LTO1: variants seen among roughly 807,000 people sequenced by gnomAD.
LTO1 encodes the protein protein LTO1 homolog.
A neutral mutation model predicts 19.8 loss-of-function variants in LTO1; 18 were observed. That is an observed-to-expected ratio of 0.91 (90% confidence interval 0.63 to 1.35). LTO1 has a LOEUF of 1.35. Ranked by LOEUF, LTO1 falls within the 40% of genes most tolerant of loss-of-function variation. The probability of loss-of-function intolerance (pLI) is 0.00; values close to 1 mark genes in which losing one functional copy is unlikely to be tolerated. For missense variants in LTO1, 175 were observed against 167.9 expected (o/e 1.04, Z -0.23); for synonymous variants, 59 against 59.6 (o/e 0.99, Z 0.05).
chr11:69,670,769 G>A (rs534172090), intron 3 of LTO1, among the ~76,000 whole-genome samples: 9 of 152,312 alleles, frequency 5.9e-5, no homozygotes, highest in Admixed American at 3.9e-4. Context: ...CTCAGGTCCC[G>A]CGCTTGCTGC....
At chr11:69,674,773 G>A (rs1278811797) in intron 1 of LTO1, 12 of 463,746 alleles carry the variant, frequency 2.6e-5, no homozygotes, top group South Asian at 1.7e-4. Flanking sequence ...GGCTCTGGAG[G>A]GAAAAGGGGT....
intron 3 of LTO1, chr11:69,668,253 C>T (rs911113318): frequency 1.6e-5 from 7 of 427,684 alleles, no homozygotes; most frequent in African/African-American, 4.0e-5. Context: ...GCCTCCATTC[C>T]GACCACGGGG....
chr11:69,667,169 A>T lies in LTO1; in HGVS notation c.*350T>A, dbSNP rs888322440. 1 of 240,596 alleles carries T rather than the reference A, an allele frequency of 4.2e-6. No individual in the cohort carries two copies. Among genetic ancestry groups the T allele is most frequent in the Admixed American group, 5.4e-5 (1 of 18,562 alleles). The allele number at this position is 240,596 out of a possible 1,614,324, so 14.9% of individuals were successfully genotyped here. On this transcript the variant is annotated 3_prime_UTR_variant, in exon 5 of 5. Transcript: ENST00000279147. ...TCATTGCAAATAATAATAATAATAA[A>T]AATAACTGCCTTCAGTCCAGGCCTG... is the stretch of plus-strand genomic sequence containing the variant.
In LTO1 at chr11:69,666,865, T is replaced by C. The variant is rs1856039025; in HGVS notation, c.*654A>G. The C allele has an allele frequency of 6.6e-6, 1 of 152,248 alleles. No homozygotes were observed. Among genetic ancestry groups the C allele is most frequent in the Non-Finnish European group, 1.5e-5 (1 of 68,092 alleles). 9.4% of individuals were successfully genotyped at this position (152,248 alleles called of 1,614,324 possible). On this transcript the variant is annotated 3_prime_UTR_variant, in exon 5 of 5. Transcript: ENST00000279147. Reference sequence around the variant, plus strand: ...CTGGGAGGGAGGGCAGGGACTCGCCTGTGCATTCCGGAGGCGGCTGTGCCT... The same window carrying C: ...CTGGGAGGGAGGGCAGGGACTCGCCCGTGCATTCCGGAGGCGGCTGTGCCT...
At chr11:69,673,186 C>T (rs376633820) in intron 2 of LTO1, 30 bp downstream of exon 2, 15 of 1,087,982 alleles carry the variant, frequency 1.4e-5, no homozygotes, top group African/African-American at 3.1e-5. Flanking sequence ...AATGAAGAGG[C>T]TTCATCTCCA....
chr11:69,670,788 A>C (rs1856098598), intron 3 of LTO1, among the ~76,000 whole-genome samples: 1 of 152,218 alleles, frequency 6.6e-6, no homozygotes, highest in Admixed American at 6.5e-5. Flanking sequence ...GCTGCCCATG[A>C]ACAGCAGAGT....
chr11:69,672,354 C>T (rs953470006), intron 2 of LTO1: 1 of 161,078 alleles, frequency 6.2e-6, no homozygotes, highest in African/African-American at 2.4e-5. Context: ...GAGTTCCCAA[C>T]CCTCAGAAAC....
chr11:69,666,544 G>A lies in LTO1; in HGVS notation c.*975C>T, dbSNP rs1226903561. The A allele has an allele frequency of 6.6e-6, 1 of 152,288 alleles. No homozygotes were observed. Among genetic ancestry groups the A allele is most frequent in the Non-Finnish European group, 1.5e-5 (1 of 68,074 alleles). The allele number at this position is 152,288 out of a possible 1,614,324, so 9.4% of individuals were successfully genotyped here. ...CTGCCTCTGTATGACGCCTCGTAAG[G>A]ACAGAGACAAAAGAGCTCCTAGGAG... On this transcript the variant is annotated 3_prime_UTR_variant, in exon 5 of 5. Transcript: ENST00000279147.
intron 2 of LTO1, chr11:69,672,047 T>G (rs563028299): frequency 7.8e-6 from 4 of 515,270 alleles, no homozygotes; most frequent in South Asian, 6.1e-5. Flanking sequence ...ACCCATGCCC[T>G]GTGCAGGTCC....
chr11:69,671,858 G>A, intron 2 of LTO1, 39 bp from the exon 3 acceptor site: 2 of 1,147,388 alleles, frequency 1.7e-6, no homozygotes, highest in Non-Finnish European at 2.7e-6. Context: ...AAATTAATAA[G>A]CAACTAGCTA....
chr11:69,671,155 TC>T (rs1473047459), intron 3 of LTO1, among the ~76,000 whole-genome samples: 3 of 152,258 alleles, frequency 2.0e-5, no homozygotes, highest in Non-Finnish European at 2.9e-5. Flanking sequence ...CGCCTCGGCC[TC>T]CCAAAGTGCT....
At chr11:69,673,689 C>CTTTT (rs71046532) in intron 1 of LTO1, among the ~76,000 whole-genome samples, 5 of 121,232 alleles carry the variant, frequency 4.1e-5, no homozygotes, top group Admixed American at 9.1e-5. Flanking sequence ...TTCTTTCTTC[C>CTTTT]TTTTTTTTTT....
chr11:69,672,202 A>G (rs1856119505), intron 2 of LTO1: 1 of 211,868 alleles, frequency 4.7e-6, no homozygotes, highest in African/African-American at 2.2e-5. Context: ...GAGGACACAC[A>G]AGCAGCCCCA....
rs1856176476 is a variant in LTO1 at position 69,675,335 on chromosome 11, GGAGAC to G, written c.-101_-97del. ...TCAGGCACAAATGCTCCGCTTGGGAGGAGACGAGACCCACTTCCGGAAGCGGCGGC... is the reference window on the plus strand; with the variant it reads ...TCAGGCACAAATGCTCCGCTTGGGAGGAGACCCACTTCCGGAAGCGGCGGC... On this transcript the variant is annotated 5_prime_UTR_variant, in exon 1 of 5. Coordinates refer to ENST00000279147, the MANE Select transcript of LTO1 (RefSeq NM_153451.3). 1 of 1,047,122 alleles carries G rather than the reference GGAGAC, an allele frequency of 9.5e-7. No homozygotes were observed. The highest frequency in any genetic ancestry group is 1.3e-6 in the Non-Finnish European group (1 of 747,220). The allele number at this position is 1,047,122 out of a possible 1,614,324, so 64.9% of individuals were successfully genotyped here. A position where few individuals can be genotyped will look rare whatever the true frequency, so the allele number is the denominator to read the frequency against.
Position 69,667,572 on chromosome 11 carries a change from T to A in LTO1, c.361A>T (p.Asn121Tyr). 1 of 1,609,972 alleles carries A rather than the reference T, an allele frequency of 6.2e-7. No individual in the cohort carries two copies. Among genetic ancestry groups the A allele is most frequent in the South Asian group, 1.1e-5 (1 of 90,972 alleles). Residue 121 changes from asparagine to tyrosine, a missense_variant, in exon 5 of 5, where the codon AAT becomes TAT. Physicochemically the swap from Asn to Tyr is moderately radical, Grantham distance 143. Transcript: ENST00000279147. ...CTAATTTTAAAGTCTGGCTGAACATTGAGTAACGAACAAAACTGAAAACAC... is the reference window on the plus strand; with the variant it reads ...CTAATTTTAAAGTCTGGCTGAACATAGAGTAACGAACAAAACTGAAAACAC... The part of the protein sequence containing the change: ...GKFKQFCSLL[N>Y]VQPDFKISAE...
Position 69,673,442 on chromosome 11 carries a change from C to T in LTO1, c.51-121G>A. 4.5e-6 allele frequency: 3 copies of T among 665,316 alleles called. No homozygotes were observed. The East Asian group carries it at 7.9e-5, about 18-fold the overall frequency. 41.2% of individuals were successfully genotyped at this position (665,316 alleles called of 1,614,324 possible). ...CAAACCAGAGTAAAGGAGGAAAAGC[C>T]TAAAATTCAAGTCAGAAGACACAGA... On this transcript the variant is annotated intron_variant, in intron 1 of 4. Transcript: ENST00000279147.
intron 1 of LTO1, chr11:69,674,683 T>C (rs1325993155): frequency 2.2e-6 from 1 of 446,240 alleles, no homozygotes; most frequent in South Asian, 1.6e-5. Flanking sequence ...TATGGACGCG[T>C]CCTCTGGGCC....
chr11:69,667,287 C>A lies in LTO1; in HGVS notation c.*232G>T, dbSNP rs1856045937. On this transcript the variant is annotated 3_prime_UTR_variant, in exon 5 of 5. Coordinates refer to ENST00000279147, the MANE Select transcript of LTO1 (RefSeq NM_153451.3). ...TCAAGTCAATGCACGAGGGCTCTGC[C>A]AGGGACGGCTTCAGCCCAACAAAGG... The A allele has an allele frequency of 1.8e-6, 1 of 568,794 alleles. No individual in the cohort carries two copies. Among genetic ancestry groups the A allele is most frequent in the East Asian group, 3.0e-5 (1 of 33,822 alleles). The allele number at this position is 568,794 out of a possible 1,614,324, so 35.2% of individuals were successfully genotyped here.
At chr11:69,670,245 A>T (rs1251171969) in intron 3 of LTO1, among the ~76,000 whole-genome samples, 1 of 152,210 alleles carries the variant, frequency 6.6e-6, no homozygotes, top group Non-Finnish European at 1.5e-5. Context: ...GCTCTGGGGT[A>T]AGGGCTGGCA....
Sources: allele counts gnomAD v4.1 joint callset (sites outside exome capture counted in the v4.1 genomes callset), GRCh38; gene constraint gnomAD v4.1.1; transcripts MANE v1.5; gene names NCBI Gene and HGNC (gene_info 2026-07-23, HGNC 2026-07-21).